Variants in FSTL4 observed in about 807,000 individuals in gnomAD.
FSTL4 encodes follistatin like 4.
In FSTL4, 28 loss-of-function variants were observed where a neutral mutation model predicts 78.2. That is an observed-to-expected ratio of 0.36 (90% CI 0.27 to 0.49). The LOEUF (loss-of-function observed/expected upper bound fraction) is 0.49. Among genes scored for constraint, FSTL4 ranks in the 20% least tolerant of loss-of-function variants. The pLI is 0.98. For missense variants in FSTL4, 922 were observed against 1,084.9 expected (o/e 0.85, Z 2.11); for synonymous variants, 422 against 440.5 (o/e 0.96, Z 0.53).
upstream of FSTL4, among the ~76,000 whole-genome samples, chr5:133,616,279 AG>A (rs5871502): frequency 0.039 from 5,947 of 151,998 alleles, 196 homozygotes; most frequent in African/African-American, 0.093. Flanking sequence ...CCAACTCACC[AG>A]TATAGAATCA....
At chr5:133,781,716 C>A in the FSTL4 span, among the ~76,000 whole-genome samples, 1 of 152,106 alleles carries the variant, frequency 6.6e-6, no homozygotes, top group Non-Finnish European at 1.5e-5. Flanking sequence ...ACATGTGCAC[C>A]CCCGCCCCCA....
chr5:133,522,896 T>C (rs1759008944), intron 3 of FSTL4, among the ~76,000 whole-genome samples: 1 of 152,206 alleles, frequency 6.6e-6, no homozygotes, highest in African/African-American at 2.4e-5. Context: ...TTAATATTAC[T>C]TTTGTATTTT....
At chr5:133,802,218 G>A in the FSTL4 span, among the ~76,000 whole-genome samples, 11 of 152,160 alleles carry the variant, frequency 7.2e-5, no homozygotes, top group African/African-American at 2.2e-4. Context: ...CTGGCACACC[G>A]TAGGTTTTCA....
chr5:133,454,024 T>G (rs1168198257), intron 3 of FSTL4, among the ~76,000 whole-genome samples: 1 of 152,222 alleles, frequency 6.6e-6, no homozygotes, highest in Non-Finnish European at 1.5e-5. Context: ...CGAGTTTTAA[T>G]TTATTTATCT....
chr5:133,606,906 C>T (rs867215810), intron 1 of FSTL4, among the ~76,000 whole-genome samples: 1 of 152,190 alleles, frequency 6.6e-6, no homozygotes, highest in Non-Finnish European at 1.5e-5. Context: ...TTTTGGCAAG[C>T]GCCAAATCAG....
At chr5:133,270,602 T>C (rs1752747447) in intron 6 of FSTL4, among the ~76,000 whole-genome samples, 1 of 152,360 alleles carries the variant, frequency 6.6e-6, no homozygotes, top group South Asian at 2.1e-4. Flanking sequence ...GCTTCTCTCC[T>C]TGTTGGCTCA....
intron 3 of FSTL4, among the ~76,000 whole-genome samples, chr5:133,543,246 C>T (rs1759511998): frequency 1.3e-5 from 2 of 152,092 alleles, no homozygotes; most frequent in Middle Eastern, 3.4e-3. Flanking sequence ...GAGACAGGGT[C>T]CCACTGTGTT....
intron 3 of FSTL4, among the ~76,000 whole-genome samples, chr5:133,411,212 A>G (rs915875203): frequency 6.6e-6 from 1 of 152,220 alleles, no homozygotes; most frequent in Admixed American, 6.5e-5. Context: ...GAAAAGAACC[A>G]TATACACTGG....
chr5:133,385,555 A>C (rs79406656), intron 4 of FSTL4, among the ~76,000 whole-genome samples: 3 of 152,012 alleles, frequency 2.0e-5, no homozygotes, highest in Non-Finnish European at 4.4e-5. Context: ...GGCTGAGTCC[A>C]CTGGCAGCAA....
Position 133,603,987 on chromosome 5 carries a change from G to T in FSTL4, c.-4C>A. On this transcript the variant is annotated 5_prime_UTR_variant, in exon 2 of 16. Transcript: ENST00000265342. Reference sequence around the variant, plus strand: ...GCCAAAAGCCTCCTGGTTTCATTTTGATGAGTCTGTTGAAGAAATGACAAA... The same window carrying T: ...GCCAAAAGCCTCCTGGTTTCATTTTTATGAGTCTGTTGAAGAAATGACAAA... 1.2e-6 allele frequency: 2 copies of T among 1,608,398 alleles called. No individual in the cohort carries two copies. The highest frequency in any genetic ancestry group is 1.1e-5 in the South Asian group (1 of 90,954).
the FSTL4 span, among the ~76,000 whole-genome samples, chr5:133,674,892 A>G: frequency 6.6e-6 from 1 of 152,162 alleles, no homozygotes; most frequent in East Asian, 1.9e-4. Flanking sequence ...TTAGCCAAGA[A>G]ACCTATTCAA....
At chr5:133,722,761 T>G in the FSTL4 span, among the ~76,000 whole-genome samples, 2 of 152,166 alleles carry the variant, frequency 1.3e-5, no homozygotes, top group Admixed American at 6.5e-5. Flanking sequence ...GGGGAAGATT[T>G]TCATCTGCAG....
chr5:133,203,844 T>G (rs958862741), intron 14 of FSTL4, among the ~76,000 whole-genome samples: 1 of 152,224 alleles, frequency 6.6e-6, no homozygotes, highest in African/African-American at 2.4e-5. Flanking sequence ...CAGAGGTTAC[T>G]TCATCAAAAC....
At chr5:133,414,714 A>G (rs887075211) in intron 3 of FSTL4, among the ~76,000 whole-genome samples, 11 of 152,214 alleles carry the variant, frequency 7.2e-5, no homozygotes, top group African/African-American at 2.4e-4. Context: ...TCCAACAATT[A>G]AAGAAACACT....
At chr5:133,365,559 G>A (rs1261205886) in intron 4 of FSTL4, among the ~76,000 whole-genome samples, 4 of 152,180 alleles carry the variant, frequency 2.6e-5, no homozygotes, top group African/African-American at 9.7e-5. Flanking sequence ...GAGGCAGGAT[G>A]TTCTATCGAT....
At chr5:133,702,955 G>A in the FSTL4 span, among the ~76,000 whole-genome samples, 9 of 152,326 alleles carry the variant, frequency 5.9e-5, no homozygotes, top group East Asian at 1.7e-3. Context: ...AAGATGCTGT[G>A]GACAAGACAC....
chr5:133,335,631 CT>C (rs1159408116), intron 4 of FSTL4, among the ~76,000 whole-genome samples: 4 of 150,534 alleles, frequency 2.7e-5, no homozygotes, highest in Non-Finnish European at 3.0e-5. Context: ...GCTTCAATTT[CT>C]TTTTTTTTCT....
chr5:133,489,385 C>T (rs10043366), intron 3 of FSTL4, among the ~76,000 whole-genome samples: 1,892 of 152,292 alleles, frequency 0.012, 39 homozygotes, highest in African/African-American at 0.044. Flanking sequence ...ACTTCCATTG[C>T]CACCACCTAA....
At chr5:133,457,459 TA>T (rs1218164182) in intron 3 of FSTL4, among the ~76,000 whole-genome samples, 1 of 152,246 alleles carries the variant, frequency 6.6e-6, no homozygotes, top group East Asian at 1.9e-4. Context: ...CAAAACTCTG[TA>T]GCCAATGTGA....
Sources: gnomAD v4.1 joint callset for allele counts (sites outside exome capture counted in the v4.1 genomes callset) on GRCh38, gnomAD v4.1.1 for gene constraint, MANE v1.5 for transcripts, NCBI Gene and HGNC (gene_info 2026-07-23, HGNC 2026-07-21) for gene names.